The following UBASH3A variants were observed in gnomAD, a reference collection of about 807,000 sequenced individuals.
UBASH3A encodes the protein ubiquitin-associated and SH3 domain-containing protein A.
A neutral mutation model predicts 73.5 loss-of-function variants in UBASH3A; 63 were observed. That is an observed-to-expected ratio of 0.86 (90% CI 0.70 to 1.06). The LOEUF (loss-of-function observed/expected upper bound fraction) is 1.06. Among genes scored for constraint, UBASH3A ranks in the 50% least tolerant of loss-of-function variants. UBASH3A has a pLI of 0.00. For synonymous variants in UBASH3A, 363 were observed against 351.1 expected, an observed-to-expected ratio of 1.03 and a Z score of -0.38; for missense variants, 860 against 859.0, an observed-to-expected ratio of 1.00 and a Z score of -0.02.
chr21:42,413,316 G>A lies in UBASH3A; in HGVS notation c.553+94G>A. On this transcript the variant is annotated intron_variant, in intron 4 of 14. Transcript: ENST00000319294. The surrounding 1 kb of genome is among the most constrained non-coding windows in gnomAD (Gnocchi z 4.5). ...CTAGCCCCCGGCACATGGATGCAGT[G>A]GGTGGGTTCCAGGGGAGCAGAGCCC... The A allele has an allele frequency of 1.3e-6, 2 of 1,552,434 alleles. No individual in the cohort carries two copies.
intron 8 of UBASH3A, among the ~76,000 whole-genome samples, chr21:42,428,248 G>A (rs2053472960): frequency 1.3e-5 from 2 of 152,214 alleles, no homozygotes; most frequent in South Asian, 4.1e-4. Context: ...CCCACACGCA[G>A]CGTCCCTGTC....
intron 10 of UBASH3A, among the ~76,000 whole-genome samples, chr21:42,435,676 AGTTATAGAGTTATAGAGTT>A (rs1298141665): frequency 1.3e-5 from 2 of 152,110 alleles, no homozygotes; most frequent in African/African-American, 2.4e-5. Context: ...AGAGTTATGG[AGTTATAGAGTTATAGAGTT>A]GTTATAGAGT....
At chr21:42,446,241 C>T (rs761712303) in intron 14 of UBASH3A, among the ~76,000 whole-genome samples, 1 of 152,156 alleles carries the variant, frequency 6.6e-6, no homozygotes, top group Non-Finnish European at 1.5e-5. Flanking sequence ...TCACCCTGCC[C>T]CTACCCCAAA....
At chr21:42,425,336 A>G (rs1221010680) in intron 7 of UBASH3A, among the ~76,000 whole-genome samples, 10 of 152,204 alleles carry the variant, frequency 6.6e-5, no homozygotes, top group Admixed American at 4.6e-4. Context: ...CTCTCTGTAA[A>G]CCTCACAGAT....
intron 2 of UBASH3A, among the ~76,000 whole-genome samples, chr21:42,407,561 C>G (rs9983281): frequency 0.13 from 20,337 of 152,158 alleles, 1,885 homozygotes; most frequent in East Asian, 0.28. Context: ...TCAAGAGCAC[C>G]CCAACCTCTC....
chr21:42,423,877 G>A (rs1469800769), intron 7 of UBASH3A, among the ~76,000 whole-genome samples: 1 of 152,108 alleles, frequency 6.6e-6, no homozygotes, highest in Non-Finnish European at 1.5e-5. Flanking sequence ...GTGGCTGGGG[G>A]AGCATCAAGA....
At chr21:42,444,391 C>T in intron 13 of UBASH3A, 143 bp from the exon 14 acceptor site, 1 of 693,350 alleles carries the variant, frequency 1.4e-6, no homozygotes, top group Admixed American at 2.1e-5. Context: ...CGGTTACCAG[C>T]CACACTACTT....
chr21:42,410,799 T>C (rs145709411), intron 3 of UBASH3A, among the ~76,000 whole-genome samples: 166 of 151,438 alleles, frequency 1.1e-3, no homozygotes, highest in African/African-American at 3.7e-3. Context: ...CACACACAGA[T>C]AGACACAGAG....
intron 9 of UBASH3A, among the ~76,000 whole-genome samples, chr21:42,434,250 G>A (rs1164381346): frequency 6.6e-6 from 1 of 152,204 alleles, no homozygotes; most frequent in Non-Finnish European, 1.5e-5. Flanking sequence ...GGTGATGCCA[G>A]GATTTGCTAC....
intron 3 of UBASH3A, among the ~76,000 whole-genome samples, chr21:42,412,794 A>G (rs1403126863): frequency 6.6e-6 from 1 of 152,184 alleles, no homozygotes; most frequent in Non-Finnish European, 1.5e-5. Flanking sequence ...TGGGCACCTA[A>G]AGGAGACTCC....
intron 11 of UBASH3A, among the ~76,000 whole-genome samples, chr21:42,438,542 G>A (rs552932856): frequency 1.2e-4 from 18 of 152,256 alleles, no homozygotes; most frequent in Admixed American, 9.2e-4. Context: ...AGCTTAGACC[G>A]GGAGTAGGTG....
chr21:42,413,656 C>T lies in UBASH3A; in HGVS notation c.667+133C>T, dbSNP rs2053146643. The T allele has an allele frequency of 1.4e-6, 1 of 694,658 alleles. No individual in the cohort carries two copies. The highest frequency in any genetic ancestry group is 1.9e-5 in the South Asian group (1 of 51,768). 43.0% of individuals were successfully genotyped at this position (694,658 alleles called of 1,614,324 possible). On this transcript the variant is annotated intron_variant, in intron 5 of 14. Transcript: ENST00000319294. The surrounding 1 kb of genome is among the most constrained non-coding windows in gnomAD (Gnocchi z 4.5). ...TGGGAAAGTGCCCCAGAAGGGTGTG[C>T]CAAGCATCAAGCCTGAGTGGGTGAC...
In UBASH3A at chr21:42,413,040, T is replaced by A; in HGVS notation, c.371T>A (p.Val124Glu). 1 of 1,614,132 alleles carries A rather than the reference T, an allele frequency of 6.2e-7. No homozygotes were observed. Among genetic ancestry groups the A allele is most frequent in the South Asian group, 1.1e-5 (1 of 91,090 alleles). The change falls in exon 4 of 15, where the codon GTG becomes GAG. Residue 124 changes from valine to glutamate, a missense_variant. Transcript: ENST00000319294. This position sits in a 1 kb window ranked among gnomAD's most constrained non-coding sequence, Gnocchi z 4.5. ...TCCCCTTAGTGTGAAGACCAGAAGG[T>A]GGAATGCCTGTACGAGGCGCTGAAG... is the stretch of plus-strand genomic sequence containing the variant. Reference protein sequence around the residue: ...CDFFTCEDQKVECLYEALKRA... With the variant: ...CDFFTCEDQKEECLYEALKRA...
intron 1 of UBASH3A, 110 bp from the exon 2 acceptor site, chr21:42,406,198 T>C: frequency 2.2e-6 from 2 of 895,586 alleles, no homozygotes; most frequent in Admixed American, 3.6e-5. Context: ...TCAGGCCCTC[T>C]TCAGAGCACC....
intron 2 of UBASH3A, among the ~76,000 whole-genome samples, chr21:42,407,603 A>G (rs537775733): frequency 1.5e-3 from 235 of 152,320 alleles, no homozygotes; most frequent in African/African-American, 5.3e-3. Flanking sequence ...GCAAATTAAG[A>G]TATCATTAGA....
Position 42,426,554 on chromosome 21 carries a change from C to T in UBASH3A, c.1047-143C>T, listed in dbSNP as rs901573617. On this transcript the variant is annotated intron_variant, in intron 7 of 14. Transcript: ENST00000319294. ...TCCTGAGTCCTGAGCACTTTGCACA[C>T]GCTACTTCATTTTGTGCTCATGGGA... 47 of 863,640 alleles carry T rather than the reference C, an allele frequency of 5.4e-5. No individual in the cohort carries two copies. The African/African-American group carries it at 6.8e-4, about 12-fold the overall frequency. The allele number at this position is 863,640 out of a possible 1,614,324, so 53.5% of individuals were successfully genotyped here.
chr21:42,410,269 G>C (rs1292895120), intron 3 of UBASH3A: 1 of 674,822 alleles, frequency 1.5e-6, no homozygotes, highest in African/African-American at 1.8e-5. Context: ...GAGACAGACA[G>C]CCACTGCTCT....
chr21:42,425,419 C>A (rs376321690), intron 7 of UBASH3A, among the ~76,000 whole-genome samples: 2 of 152,232 alleles, frequency 1.3e-5, no homozygotes, highest in East Asian at 1.9e-4. Context: ...CCTCGCCTTG[C>A]CCTCAGGAAG....
intron 14 of UBASH3A, 37 bp from the exon 15 acceptor site, chr21:42,447,020 A>G (rs572102712): frequency 1.3e-6 from 2 of 1,599,040 alleles, no homozygotes; most frequent in South Asian, 2.3e-5. Flanking sequence ...TGGACTTGCT[A>G]TAAGATATTA....
Sources: gnomAD v4.1 joint callset for allele counts (sites outside exome capture counted in the v4.1 genomes callset) on GRCh38, gnomAD v4.1.1 for gene constraint, Gnocchi (gnomAD v3.1) non-coding constraint, MANE v1.5 for transcripts, NCBI Gene and HGNC (gene_info 2026-07-23, HGNC 2026-07-21) for gene names.